PLA2G4C: variants seen among roughly 807,000 people sequenced by gnomAD.
PLA2G4C encodes cytosolic phospholipase A2 gamma.
In PLA2G4C, 64 loss-of-function variants were observed where a neutral mutation model predicts 73.8. The ratio of observed to expected loss-of-function variants is 0.87; its 90% CI spans 0.71 to 1.07. The LOEUF (loss-of-function observed/expected upper bound fraction) is 1.07, where lower values mean the gene tolerates loss of function less well. Ranked by LOEUF, PLA2G4C falls within the 50% of genes least tolerant of loss-of-function variation. The pLI is 0.00. For synonymous variants in PLA2G4C, 254 were observed against 252.1 expected, an observed-to-expected ratio of 1.01 and a Z score of -0.07; for missense variants, 622 against 665.4, an observed-to-expected ratio of 0.93 and a Z score of 0.72.
intron 1 of PLA2G4C, among the ~76,000 whole-genome samples, chr19:48,107,204 G>A (rs11564510): frequency 0.01 from 1,561 of 150,146 alleles, 23 homozygotes; most frequent in African/African-American, 0.036. Flanking sequence ...ACAATTGATC[G>A]GCTATGGATG....
At chr19:48,107,140 C>T (rs373049135) in intron 1 of PLA2G4C, among the ~76,000 whole-genome samples, 1 of 152,008 alleles carries the variant, frequency 6.6e-6, no homozygotes. Flanking sequence ...CCACCGCGTC[C>T]GACCTGAGAC....
At chr19:48,061,699 A>C in intron 14 of PLA2G4C, 1 of 368,714 alleles carries the variant, frequency 2.7e-6, no homozygotes, top group Non-Finnish European at 5.1e-6. Context: ...GTGAGGAGCT[A>C]GGCTGTTGCA....
In PLA2G4C at chr19:48,089,697, G is replaced by A. The variant is rs539645921; in HGVS notation, c.763+667C>T. Among the ~76,000 whole-genome samples the A allele has an allele frequency of 7.9e-5, 12 of 152,276 alleles. No homozygotes were observed. The South Asian group carries it at 2.5e-3, about 32-fold the overall frequency. ...TTTAGGAAGGGGAAATTGGGTCACA[G>A]AGAATTTAAGCAGCTTTCCAGAGTG... is the stretch of plus-strand genomic sequence containing the variant. On this transcript the variant is annotated intron_variant, in intron 8 of 16. Transcript: ENST00000599921.
At chr19:48,067,718 C>G (rs1267577271) in intron 13 of PLA2G4C, 73 bp downstream of exon 13, 1 of 1,014,490 alleles carries the variant, frequency 9.9e-7, no homozygotes, top group Non-Finnish European at 1.6e-6. Context: ...TGTTTCAGGC[C>G]CACCCCCTTC....
At position 48,048,120 on chromosome 19, in the gene PLA2G4C, G is replaced by A. The variant is rs543570505; in HGVS notation, c.*223C>T. 8.1e-5 allele frequency: 43 copies of A among 530,418 alleles called. No individual in the cohort carries two copies. The highest frequency in any genetic ancestry group is 1.2e-4 in the Non-Finnish European group (38 of 306,132). The allele number at this position is 530,418 out of a possible 1,614,324, so 32.9% of individuals were successfully genotyped here. ...TCCAGGATCTCCCGAGGGACCTGCA[G>A]GACAAATTTCACCACCTTCAGCTCC... is the stretch of plus-strand genomic sequence containing the variant. On this transcript the variant is annotated 3_prime_UTR_variant, in exon 17 of 17. Transcript: ENST00000599921.
intron 16 of PLA2G4C, among the ~76,000 whole-genome samples, chr19:48,049,898 T>C (rs1220460775): frequency 6.6e-6 from 1 of 152,160 alleles, no homozygotes; most frequent in African/African-American, 2.4e-5. Flanking sequence ...AGACAATAAG[T>C]GTCGGTTGTT....
intron 16 of PLA2G4C, 109 bp from the exon 17 acceptor site, chr19:48,048,497 A>G (rs754277075): frequency 3.0e-5 from 19 of 624,012 alleles, no homozygotes; most frequent in Non-Finnish European, 5.1e-5. Context: ...ATGACTTAGG[A>G]GAAAGACATT....
At chr19:48,052,455 G>A (rs1035710281) in intron 16 of PLA2G4C, among the ~76,000 whole-genome samples, 3 of 151,844 alleles carry the variant, frequency 2.0e-5, no homozygotes, top group Admixed American at 6.6e-5. Context: ...CTCTGCCATG[G>A]TAAAGATGTG....
Position 48,095,559 on chromosome 19 carries a change from A to G in PLA2G4C, c.614T>C (p.Leu205Pro), listed in dbSNP as rs370426526. 5.0e-6 allele frequency: 8 copies of G among 1,613,992 alleles called. No individual in the cohort carries two copies. The highest frequency in any genetic ancestry group is 5.9e-6 in the Non-Finnish European group (7 of 1,179,992). Residue 205 changes from leucine to proline, a missense_variant, in exon 7 of 17, where the codon CTG (leucine) becomes CCG (proline). By Grantham distance (98) the Leu-to-Pro change is moderately conservative. Coordinates refer to ENST00000599921, the MANE Select transcript of PLA2G4C (RefSeq NM_003706.3). Reference sequence around the variant, plus strand: ...GTGGGTTATGGAAACAAAGGCCCCCAGTGCAGAGAAGCCAGCGTGGTGAGG... The same window carrying G: ...GTGGGTTATGGAAACAAAGGCCCCCGGTGCAGAGAAGCCAGCGTGGTGAGG... ...FTPHHAGFSA[L>P]GAFVSITHFG...
At chr19:48,057,868 C>G (rs1163896312) in intron 14 of PLA2G4C, among the ~76,000 whole-genome samples, 1 of 151,752 alleles carries the variant, frequency 6.6e-6, no homozygotes, top group Non-Finnish European at 1.5e-5. Context: ...CAGGATCTTG[C>G]TGTGTCGCCC....
intron 9 of PLA2G4C, among the ~76,000 whole-genome samples, chr19:48,087,429 A>G (rs11564565): frequency 0.028 from 4,201 of 152,264 alleles, 152 homozygotes; most frequent in African/African-American, 0.084. Flanking sequence ...CTGCATCCCC[A>G]CAGGAGGAGC....
chr19:48,095,471 G>A lies in PLA2G4C; in HGVS notation c.702C>T (p.Phe234=), dbSNP rs1459300727. 1 of 1,613,942 alleles carries A rather than the reference G, an allele frequency of 6.2e-7. No homozygotes were observed. Among genetic ancestry groups the A allele is most frequent in the Admixed American group, 1.7e-5 (1 of 59,994 alleles). ...VRTHPERDLT[F]LRGLWGSALG... is the part of the protein sequence containing the mutation. ...TCTGACCCCAGCGCTGACCTCTCAG[G>A]AAAGTCAGGTCTCTCTCAGGGTGAG... The change falls in exon 7 of 17, where the codon TTC becomes TTT. Residue 234 remains phenylalanine, a synonymous_variant. Coordinates refer to ENST00000599921, the MANE Select transcript of PLA2G4C (RefSeq NM_003706.3).
At chr19:48,063,324 G>A (rs1237321098) in intron 13 of PLA2G4C, among the ~76,000 whole-genome samples, 2 of 152,142 alleles carry the variant, frequency 1.3e-5, no homozygotes, top group Non-Finnish European at 2.9e-5. Context: ...TTACAGGCGT[G>A]AGCCACGGGC....
At chr19:48,054,734 C>T in intron 15 of PLA2G4C, 144 bp downstream of exon 15, 1 of 751,800 alleles carries the variant, frequency 1.3e-6, no homozygotes, top group Non-Finnish European at 2.1e-6. Context: ...TGTAAGTTTC[C>T]TGAGGCCTCT....
At chr19:48,053,235 G>T in intron 15 of PLA2G4C, 88 bp from the exon 16 acceptor site, 1 of 1,017,258 alleles carries the variant, frequency 9.8e-7, no homozygotes, top group Non-Finnish European at 1.4e-6. Context: ...ATCAGGGCTT[G>T]GCAAACTACA....
intron 14 of PLA2G4C, among the ~76,000 whole-genome samples, chr19:48,059,140 G>A (rs1460100753): frequency 2.0e-5 from 3 of 151,892 alleles, no homozygotes; most frequent in African/African-American, 2.4e-5. Flanking sequence ...GTGTGGTGGC[G>A]CATGCCTGTA....
At chr19:48,074,603 A>T (rs1435965282) in intron 12 of PLA2G4C, 164 bp downstream of exon 12, 4 of 640,686 alleles carry the variant, frequency 6.2e-6, no homozygotes. Flanking sequence ...GGGGGATTAC[A>T]TTCCAACATG....
At position 48,055,065 on chromosome 19, in the gene PLA2G4C, T is replaced by C; in HGVS notation, c.1258-16A>G. ...CCCGGATGGTCTGAGAAGGAGGCAA[T>C]AAGAAATGGTTGCAAGACCTCTCCA... On this transcript the variant is annotated splice_polypyrimidine_tract_variant and intron_variant, in intron 14 of 16. Transcript: ENST00000599921. 6.3e-7 allele frequency: 1 copy of C among 1,581,924 alleles called. No individual in the cohort carries two copies. The highest frequency in any genetic ancestry group is 8.6e-7 in the Non-Finnish European group (1 of 1,165,600).
chr19:48,084,417 G>A (rs1418526262), intron 10 of PLA2G4C, among the ~76,000 whole-genome samples: 2 of 152,126 alleles, frequency 1.3e-5, no homozygotes, highest in African/African-American at 4.8e-5. Flanking sequence ...TCAGCTCACT[G>A]CAACCTCCGC....
Sources: gnomAD v4.1 joint callset for allele counts (sites outside exome capture counted in the v4.1 genomes callset) on GRCh38, gnomAD v4.1.1 for gene constraint, MANE v1.5 for transcripts, NCBI Gene and HGNC (gene_info 2026-07-23, HGNC 2026-07-21) for gene names.